Variants in ZNF728 observed in about 807,000 individuals in gnomAD.
ZNF728 encodes the protein zinc finger protein 728.
Under a neutral mutation model 12.5 loss-of-function variants are expected in ZNF728, and 12 were observed. That is an observed-to-expected ratio of 0.96 (90% CI 0.61 to 1.55). ZNF728 has a LOEUF of 1.55. ZNF728 is among the 40% of genes most tolerant of loss of function. ZNF728 has a pLI of 0.00. For missense variants in ZNF728, 692 were observed against 719.2 expected (o/e 0.96, Z 0.43); for synonymous variants, 205 against 240.7 (o/e 0.85, Z 1.37).
intron 1 of ZNF728, among the ~76,000 whole-genome samples, chr19:23,002,054 A>G (rs1467942403): frequency 6.6e-6 from 1 of 152,190 alleles, no homozygotes; most frequent in Non-Finnish European, 1.5e-5. Flanking sequence ...GGTGGCTTAC[A>G]CTTGTAATCC....
rs1968839598 is a variant in ZNF728, at chr19:22,979,498, T to C, written c.227-2388A>G. Among the ~76,000 whole-genome samples the C allele has an allele frequency of 2.0e-5, 3 of 152,054 alleles. No individual in the cohort carries two copies. The South Asian group carries it at 6.2e-4, about 32-fold the overall frequency. On this transcript the variant is annotated intron_variant, in intron 3 of 3. Coordinates refer to ENST00000594710, the MANE Select transcript of ZNF728 (RefSeq NM_001267716.2). ...TAGCAAGACAGGCCAACATTCAAAG[T>C]CAGGAAATACAGAGAACACCACAAA...
chr19:22,999,751 T>C (rs1333367449), intron 1 of ZNF728, among the ~76,000 whole-genome samples: 2 of 152,196 alleles, frequency 1.3e-5, no homozygotes, highest in African/African-American at 2.4e-5. Context: ...TTTTTTGTAT[T>C]AAAAATCATG....
chr19:23,000,287 A>G (rs2145356334), intron 1 of ZNF728, among the ~76,000 whole-genome samples: 1 of 152,106 alleles, frequency 6.6e-6, no homozygotes. Flanking sequence ...CTGAAGCAGG[A>G]GAATGGCGTA....
At chr19:22,992,023 C>T (rs181190998) in intron 1 of ZNF728, among the ~76,000 whole-genome samples, 2 of 152,236 alleles carry the variant, frequency 1.3e-5, no homozygotes, top group African/African-American at 4.8e-5. Context: ...GTATTCTTAG[C>T]AGGGTAAAAT....
In ZNF728 at chr19:22,996,920, G is replaced by C. The variant is rs1018135147; in HGVS notation, c.3+6108C>G. Reference sequence around the variant, plus strand: ...CTCTTGGATCTCTGAATTTTGCACAGTGTGTGCACTTGAAAGGATGTTTAT... The same window carrying C: ...CTCTTGGATCTCTGAATTTTGCACACTGTGTGCACTTGAAAGGATGTTTAT... On this transcript the variant is annotated intron_variant, in intron 1 of 3. Coordinates refer to ENST00000594710, the MANE Select transcript of ZNF728 (RefSeq NM_001267716.2). Among the ~76,000 whole-genome samples the C allele has an allele frequency of 2.0e-5, 3 of 152,148 alleles. No homozygotes were observed. In the East Asian group the frequency reaches 5.8e-4, roughly 29 times the overall value.
At chr19:23,002,984 C>A in intron 1 of ZNF728, 44 bp downstream of exon 1, 1 of 1,587,012 alleles carries the variant, frequency 6.3e-7, no homozygotes, top group Non-Finnish European at 8.6e-7. Context: ...CGGTTCCAAC[C>A]AGCGGCTGCC....
At chr19:22,988,173 G>A (rs1176682973) in intron 2 of ZNF728, among the ~76,000 whole-genome samples, 152 bp downstream of exon 2, 1 of 152,036 alleles carries the variant, frequency 6.6e-6, no homozygotes, top group Non-Finnish European at 1.5e-5. Flanking sequence ...TTGTTCACTA[G>A]AAGCAAAGAG....
intron 3 of ZNF728, among the ~76,000 whole-genome samples, chr19:22,986,438 T>C (rs991012164): frequency 1.3e-5 from 2 of 152,114 alleles, no homozygotes; most frequent in African/African-American, 4.8e-5. Flanking sequence ...AAAATTAACA[T>C]ATAAGTTATG....
intron 3 of ZNF728, among the ~76,000 whole-genome samples, chr19:22,983,791 T>C (rs1968885215): frequency 6.6e-6 from 1 of 152,038 alleles, no homozygotes; most frequent in South Asian, 2.1e-4. Flanking sequence ...CACTCATAAG[T>C]GGGAGTTGAA....
At chr19:23,001,408 C>A (rs1169176751) in intron 1 of ZNF728, among the ~76,000 whole-genome samples, 1 of 152,234 alleles carries the variant, frequency 6.6e-6, no homozygotes, top group Non-Finnish European at 1.5e-5. Context: ...AGCTACGCTT[C>A]ATATCTCAGG....
intron 3 of ZNF728, among the ~76,000 whole-genome samples, chr19:22,981,798 A>T (rs1968863712): frequency 6.6e-6 from 1 of 152,194 alleles, no homozygotes; most frequent in Admixed American, 6.5e-5. Flanking sequence ...ATCTCAATAG[A>T]TGCAGAAAAG....
At chr19:23,002,173 G>C (rs1041210277) in intron 1 of ZNF728, among the ~76,000 whole-genome samples, 3 of 152,174 alleles carry the variant, frequency 2.0e-5, no homozygotes, top group African/African-American at 7.2e-5. Flanking sequence ...AAGTTAACGG[G>C]GCGTGGTGGC....
At chr19:22,986,551 C>G (rs1968919078) in intron 3 of ZNF728, among the ~76,000 whole-genome samples, 1 of 151,982 alleles carries the variant, frequency 6.6e-6, no homozygotes, top group Admixed American at 6.5e-5. Flanking sequence ...AACCGAGGAG[C>G]TGAAAAACTT....
At chr19:22,984,388 G>A (rs1328388803) in intron 3 of ZNF728, among the ~76,000 whole-genome samples, 1 of 151,706 alleles carries the variant, frequency 6.6e-6, no homozygotes, top group African/African-American at 2.4e-5. Context: ...GTGAAACCCT[G>A]TCTCTACTAA....
chr19:22,987,420 G>T lies in ZNF728; in HGVS notation c.131-17C>A, dbSNP rs751835092. On this transcript the variant is annotated splice_polypyrimidine_tract_variant and intron_variant, in intron 2 of 3. Transcript: ENST00000594710. ...CAGCAATACCTGTTTTATTAAAAAT[G>T]AGTAACATGCATCTTGCTCATATTC... is the stretch of plus-strand genomic sequence containing the variant. 28 of 1,591,082 alleles carry T rather than the reference G, an allele frequency of 1.8e-5. No homozygotes were observed. The highest frequency in any genetic ancestry group is 2.3e-5 in the South Asian group (2 of 86,774).
intron 1 of ZNF728, among the ~76,000 whole-genome samples, chr19:23,001,229 G>C (rs1411034880): frequency 6.6e-6 from 1 of 152,060 alleles, no homozygotes; most frequent in Non-Finnish European, 1.5e-5. Flanking sequence ...AAATTATTTT[G>C]GTTTCCCCTT....
intron 3 of ZNF728, among the ~76,000 whole-genome samples, chr19:22,986,933 CAG>C (rs1968922723): frequency 1.3e-5 from 2 of 152,164 alleles, no homozygotes; most frequent in South Asian, 4.1e-4. Flanking sequence ...TCACATATTT[CAG>C]AGATGATGGA....
intron 3 of ZNF728, among the ~76,000 whole-genome samples, chr19:22,979,724 A>G (rs1235379794): frequency 2.0e-5 from 3 of 152,202 alleles, no homozygotes; most frequent in Admixed American, 6.5e-5. Context: ...TCTTAAAGAA[A>G]GGAATTTCAA....
At chr19:23,002,974 C>A (rs1296879892) in intron 1 of ZNF728, 54 bp downstream of exon 1, 91 of 1,585,854 alleles carry the variant, frequency 5.7e-5, no homozygotes, top group Non-Finnish European at 7.5e-5. Context: ...CACTTCCCAC[C>A]GGTTCCAACC....
Sources: gnomAD v4.1 joint callset for allele counts (sites outside exome capture counted in the v4.1 genomes callset) on GRCh38, gnomAD v4.1.1 for gene constraint, MANE v1.5 for transcripts, NCBI Gene and HGNC (gene_info 2026-07-23, HGNC 2026-07-21) for gene names.